Variants in APC observed in about 807,000 individuals in gnomAD.
APC encodes the protein adenomatous polyposis coli protein.
APC carries 72 observed loss-of-function variants against 247.0 expected under a neutral mutation model. The ratio of observed to expected loss-of-function variants is 0.29; its 90% CI spans 0.24 to 0.35. APC has a LOEUF of 0.35. Among genes scored for constraint, APC ranks in the 10% least tolerant of loss-of-function variants. The probability of loss-of-function intolerance (pLI) is 1.00; values close to 1 mark genes in which losing one functional copy is unlikely to be tolerated. For missense variants in APC, 3,400 were observed against 3,360.7 expected, an observed-to-expected ratio of 1.01 and a Z score of -0.29; for synonymous variants, 1,254 against 1,162.5, an observed-to-expected ratio of 1.08 and a Z score of -1.60.
chr5:112,748,166 A>G (rs1267014288), intron 1 of APC, among the ~76,000 whole-genome samples: 1 of 152,144 alleles, frequency 6.6e-6, no homozygotes, highest in African/African-American at 2.4e-5. Flanking sequence ...ATGGGCTTGG[A>G]TAGGTCTAGC....
intron 6 of APC, among the ~76,000 whole-genome samples, chr5:112,788,679 G>A (rs1467218622): frequency 6.6e-6 from 1 of 151,776 alleles, no homozygotes; most frequent in African/African-American, 2.4e-5. Context: ...TCTTCACAGG[G>A]GTCTTACATA....
intron 1 of APC, among the ~76,000 whole-genome samples, chr5:112,729,621 T>A (rs1581043647): frequency 6.6e-6 from 1 of 152,362 alleles, no homozygotes; most frequent in Admixed American, 6.5e-5. Flanking sequence ...TTATTCTGAT[T>A]ACACTGGGAA....
At chr5:112,764,597 T>A (rs1756057734) in intron 2 of APC, among the ~76,000 whole-genome samples, 1 of 152,240 alleles carries the variant, frequency 6.6e-6, no homozygotes, top group Non-Finnish European at 1.5e-5. Flanking sequence ...GTACCTGTCA[T>A]ACAGATGTAA....
intron 1 of APC, among the ~76,000 whole-genome samples, chr5:112,741,753 G>T (rs1477351882): frequency 6.6e-6 from 1 of 151,934 alleles, no homozygotes; most frequent in African/African-American, 2.4e-5. Context: ...TTAAAACTCT[G>T]TGCACATTAA....
At position 112,842,994 on chromosome 5, in the gene APC, C is replaced by G. The variant is rs758713824; in HGVS notation, c.7400C>G (p.Pro2467Arg). 1 of 1,614,032 alleles carries G rather than the reference C, an allele frequency of 6.2e-7. No individual in the cohort carries two copies. The highest frequency in any genetic ancestry group is 1.7e-5 in the Admixed American group (1 of 60,018). Residue 2467 changes from proline (P) to arginine (R), a missense_variant, in exon 16 of 16, where the codon CCA (proline) becomes CGA (arginine). Physicochemically the swap from Pro to Arg is moderately radical, Grantham distance 103. Around this residue, in one of 9 missense-constraint regions of APC, gnomAD observed 1,788 missense variants for 1,649.5 expected, o/e 1.08. Coordinates refer to ENST00000257430, the MANE Select transcript of APC (RefSeq NM_000038.6). ...EESASFESLSPSSRPASPTRS... is the reference protein window; with the variant it reads ...EESASFESLSRSSRPASPTRS... ...TCTGCTTCATTTGAATCTCTTTCTCCATCATCTAGACCAGCTTCTCCCACT... is the reference window on the plus strand; with the variant it reads ...TCTGCTTCATTTGAATCTCTTTCTCGATCATCTAGACCAGCTTCTCCCACT...
chr5:112,793,140 C>A (rs755430561), intron 7 of APC, among the ~76,000 whole-genome samples: 2 of 152,088 alleles, frequency 1.3e-5, no homozygotes, highest in Non-Finnish European at 2.9e-5. Context: ...GATGGACTTT[C>A]CAGAACCTCC....
intron 15 of APC, 73 bp from the exon 16 acceptor site, chr5:112,837,480 T>C: frequency 8.8e-7 from 1 of 1,134,284 alleles, no homozygotes; most frequent in South Asian, 1.3e-5. Flanking sequence ...GCCTTTTGTC[T>C]TCTATCCTTT....
At chr5:112,819,930 C>G (rs188714881) in intron 10 of APC, among the ~76,000 whole-genome samples, 1 of 152,030 alleles carries the variant, frequency 6.6e-6, no homozygotes, top group Non-Finnish European at 1.5e-5. Context: ...GAACAGAGCC[C>G]AGATCTCCTG....
Position 112,758,114 on chromosome 5 carries a change from A to G in APC, c.135+3089A>G, listed in dbSNP as rs557488122. Reference sequence around the variant, plus strand: ...TTATTGATGTGGGATATGAAGGTACATGGGGCTTTGTTATAATTTTCTGCA... The same window carrying G: ...TTATTGATGTGGGATATGAAGGTACGTGGGGCTTTGTTATAATTTTCTGCA... On this transcript the variant is annotated intron_variant, in intron 2 of 15. Transcript: ENST00000257430. Among the ~76,000 whole-genome samples the G allele has an allele frequency of 1.5e-4, 23 of 152,278 alleles. No homozygotes were observed. In the South Asian group the frequency reaches 4.8e-3, roughly 32 times the overall value.
At chr5:112,815,640 G>A (rs1163970445) in intron 9 of APC, 47 bp downstream of exon 9, 8 of 1,491,320 alleles carry the variant, frequency 5.4e-6, no homozygotes, top group Non-Finnish European at 7.4e-6. Flanking sequence ...TGACTACTTT[G>A]CTAAGACATT....
intron 7 of APC, among the ~76,000 whole-genome samples, chr5:112,800,708 T>G (rs1234430251): frequency 6.6e-6 from 1 of 152,188 alleles, no homozygotes; most frequent in African/African-American, 2.4e-5. Flanking sequence ...TTACTGGATG[T>G]AATCTGTCAT....
At chr5:112,745,282 G>A (rs988149932) in intron 1 of APC, among the ~76,000 whole-genome samples, 1 of 151,786 alleles carries the variant, frequency 6.6e-6, no homozygotes, top group African/African-American at 2.4e-5. Flanking sequence ...ATGTATCAAT[G>A]ACAATAAAAA....
intron 1 of APC, among the ~76,000 whole-genome samples, chr5:112,720,005 C>G (rs1038734348): frequency 6.6e-6 from 1 of 152,114 alleles, no homozygotes; most frequent in African/African-American, 2.4e-5. Flanking sequence ...CGTTTGAATT[C>G]TGAGATTAAA....
Position 112,840,981 on chromosome 5 carries a change from A to T in APC, c.5387A>T (p.Lys1796Ile), listed in dbSNP as rs1765942550. 6.2e-7 allele frequency: 1 copy of T among 1,612,554 alleles called. No homozygotes were observed. Reference sequence around the variant, plus strand: ...CGTGTAAGAAAAAATGCAGACTCAAAAAATAATTTAAATGCTGAGAGAGTT... The same window carrying T: ...CGTGTAAGAAAAAATGCAGACTCAATAAATAATTTAAATGCTGAGAGAGTT... ...RTRVRKNADSKNNLNAERVFS... is the reference protein window; with the variant it reads ...RTRVRKNADSINNLNAERVFS... Residue 1796 changes from lysine (K) to isoleucine (I), a missense_variant, in exon 16 of 16, where the codon AAA becomes ATA. This residue lies in a region of APC where 1,788 missense variants were observed against 1,649.5 expected (regional missense o/e 1.08). Coordinates refer to ENST00000257430, the MANE Select transcript of APC (RefSeq NM_000038.6). This position sits in a 1 kb window ranked among gnomAD's most constrained non-coding sequence, Gnocchi z 4.1.
intron 1 of APC, among the ~76,000 whole-genome samples, chr5:112,732,369 G>A (rs1389463094): frequency 1.3e-5 from 2 of 152,146 alleles, no homozygotes; most frequent in Non-Finnish European, 2.9e-5. Flanking sequence ...AAGCTCCTCG[G>A]AGTACTAAAG....
chr5:112,728,312 A>C (rs1488370374), intron 1 of APC, among the ~76,000 whole-genome samples: 6 of 152,012 alleles, frequency 3.9e-5, no homozygotes, highest in Admixed American at 2.6e-4. Context: ...TTGTATTTTT[A>C]GTAGAGACGG....
chr5:112,791,319 C>T (rs1338874293), intron 6 of APC, among the ~76,000 whole-genome samples: 2 of 152,078 alleles, frequency 1.3e-5, no homozygotes, highest in Non-Finnish European at 2.9e-5. Context: ...AATGTTTAGC[C>T]ACAGTTAGGT....
At chr5:112,759,988 C>G (rs1006029755) in intron 2 of APC, among the ~76,000 whole-genome samples, 2 of 152,112 alleles carry the variant, frequency 1.3e-5, no homozygotes, top group Non-Finnish European at 2.9e-5. Context: ...ATACAAAAAT[C>G]ATACTTTTAA....
chr5:112,761,196 T>C (rs535994456), intron 2 of APC, among the ~76,000 whole-genome samples: 2 of 152,156 alleles, frequency 1.3e-5, no homozygotes, highest in Non-Finnish European at 2.9e-5. Context: ...GAAAATACTA[T>C]CAATCATCTT....
Sources: gnomAD v4.1 joint callset for allele counts (sites outside exome capture counted in the v4.1 genomes callset) on GRCh38, gnomAD v4.1.1 for gene constraint, gnomAD v4.1.1 regional missense constraint, Gnocchi (gnomAD v3.1) non-coding constraint, MANE v1.5 for transcripts, NCBI Gene and HGNC (gene_info 2026-07-23, HGNC 2026-07-21) for gene names.